Variants in IMPG2 observed in about 807,000 individuals in gnomAD.
IMPG2 encodes the protein IPM 200.
A neutral mutation model predicts 129.2 loss-of-function variants in IMPG2; 91 were observed. The ratio of observed to expected loss-of-function variants is 0.70; its 90% CI spans 0.59 to 0.84. The LOEUF (loss-of-function observed/expected upper bound fraction) is 0.84, where lower values mean the gene tolerates loss of function less well. Ranked by LOEUF, IMPG2 falls within the 40% of genes least tolerant of loss-of-function variation. The pLI, the probability that IMPG2 is intolerant of heterozygous loss-of-function variation, is 0.00. For synonymous variants in IMPG2, 510 were observed against 517.7 expected, an observed-to-expected ratio of 0.99 and a Z score of 0.20; for missense variants, 1,430 against 1,461.7, an observed-to-expected ratio of 0.98 and a Z score of 0.35.
intron 15 of IMPG2, among the ~76,000 whole-genome samples, chr3:101,232,046 C>A (rs1706293137): frequency 1.3e-5 from 2 of 151,830 alleles, no homozygotes; most frequent in Admixed American, 6.6e-5. Context: ...TAAGAGGGGC[C>A]CAAAACCTTT....
At chr3:101,228,925 C>A (rs2107203220) in intron 17 of IMPG2, 49 bp from the exon 18 acceptor site, 1 of 1,353,906 alleles carries the variant, frequency 7.4e-7, no homozygotes, top group Non-Finnish European at 1.1e-6. Flanking sequence ...AGAAAAACCT[C>A]AACAGCCTTT....
In IMPG2 at chr3:101,253,701, T is replaced by C. The variant is rs755284505; in HGVS notation, c.1234A>G (p.Ile412Val). 6.2e-7 allele frequency: 1 copy of C among 1,609,606 alleles called. No individual in the cohort carries two copies. The change falls in exon 11 of 19, where the codon ATT becomes GTT. Residue 412 changes from isoleucine to valine, a missense_variant. Transcript: ENST00000193391. ...CATAAAACATAAAAACATACCAGAA[T>C]AGATGACGGCGTTGCCTGAAGACTT... ...SSSLQATPSSILDNTFQAAWP... is the reference protein window; with the variant it reads ...SSSLQATPSSVLDNTFQAAWP...
intron 4 of IMPG2, among the ~76,000 whole-genome samples, chr3:101,287,766 A>G (rs1249620847): frequency 6.6e-6 from 1 of 152,146 alleles, no homozygotes; most frequent in Non-Finnish European, 1.5e-5. Context: ...ATTTAAATGT[A>G]AGACCTCAAA....
intron 11 of IMPG2, among the ~76,000 whole-genome samples, chr3:101,250,454 A>G (rs748360927): frequency 5.3e-5 from 8 of 152,210 alleles, no homozygotes; most frequent in Non-Finnish European, 1.0e-4. Context: ...AACATAACAA[A>G]ATTATCACAT....
At chr3:101,239,475 C>T (rs1706382687) in intron 14 of IMPG2, among the ~76,000 whole-genome samples, 1 of 152,212 alleles carries the variant, frequency 6.6e-6, no homozygotes, top group African/African-American at 2.4e-5. Flanking sequence ...AACACCTTTA[C>T]ACTGTTGGTG....
chr3:101,289,035 C>T (rs977444835), intron 4 of IMPG2, among the ~76,000 whole-genome samples: 2 of 152,194 alleles, frequency 1.3e-5, no homozygotes, highest in Non-Finnish European at 2.9e-5. Flanking sequence ...TCCTAAAACA[C>T]AGTTCATTTC....
chr3:101,272,240 A>G (rs187301412), intron 7 of IMPG2, among the ~76,000 whole-genome samples: 23 of 152,260 alleles, frequency 1.5e-4, no homozygotes, highest in African/African-American at 4.8e-4. Flanking sequence ...GGAAAAATCC[A>G]TGTGATGGTG....
At chr3:101,305,474 CTATGAACTTCAGT>C (rs1201701717) in intron 2 of IMPG2, among the ~76,000 whole-genome samples, 4 of 152,176 alleles carry the variant, frequency 2.6e-5, no homozygotes, top group African/African-American at 9.6e-5. Context: ...CTAATGTTAA[CTATGAACTTCAGT>C]TAAGAATAAT....
chr3:101,297,865 T>G (rs1707096948), intron 3 of IMPG2, among the ~76,000 whole-genome samples: 1 of 152,248 alleles, frequency 6.6e-6, no homozygotes, highest in African/African-American at 2.4e-5. Flanking sequence ...CTAAGAAGAA[T>G]GTGTATTCTG....
chr3:101,311,117 T>C (rs1348762671), intron 2 of IMPG2, among the ~76,000 whole-genome samples: 1 of 150,810 alleles, frequency 6.6e-6, no homozygotes, highest in African/African-American at 2.4e-5. Flanking sequence ...GCTCTGGAAA[T>C]GGTCCTAGGG....
chr3:101,307,609 G>C (rs1037211985), intron 2 of IMPG2, among the ~76,000 whole-genome samples: 9 of 152,098 alleles, frequency 5.9e-5, no homozygotes, highest in African/African-American at 1.9e-4. Flanking sequence ...AAACAGCATG[G>C]GGGAACAACT....
chr3:101,312,332 G>C (rs1328878870), intron 2 of IMPG2, among the ~76,000 whole-genome samples: 1 of 151,728 alleles, frequency 6.6e-6, no homozygotes, highest in East Asian at 1.9e-4. Context: ...ATAATAAAAA[G>C]ACAAATAACA....
At chr3:101,280,725 C>T (rs917564375) in intron 4 of IMPG2, among the ~76,000 whole-genome samples, 23 of 152,072 alleles carry the variant, frequency 1.5e-4, no homozygotes, top group Admixed American at 2.0e-4. Context: ...GTGGACGGAT[C>T]ACCTGAGGTC....
chr3:101,250,169 G>A (rs538322303), intron 11 of IMPG2, among the ~76,000 whole-genome samples: 1 of 152,294 alleles, frequency 6.6e-6, no homozygotes, highest in East Asian at 1.9e-4. Flanking sequence ...TGTGTGCAGA[G>A]TGCTCCTACA....
intron 11 of IMPG2, among the ~76,000 whole-genome samples, chr3:101,248,324 A>G (rs1001736636): frequency 6.6e-6 from 1 of 152,192 alleles, no homozygotes; most frequent in African/African-American, 2.4e-5. Flanking sequence ...GTCTAACACC[A>G]TGTGACACGT....
At chr3:101,267,199 A>G (rs1475338358) in intron 9 of IMPG2, among the ~76,000 whole-genome samples, 1 of 152,242 alleles carries the variant, frequency 6.6e-6, no homozygotes, top group Non-Finnish European at 1.5e-5. Flanking sequence ...TGTGAAAATT[A>G]TATAAAATTC....
chr3:101,228,254 G>A (rs939456104), intron 18 of IMPG2, among the ~76,000 whole-genome samples: 7 of 152,184 alleles, frequency 4.6e-5, no homozygotes, highest in African/African-American at 1.7e-4. Context: ...AGAGGCAAGA[G>A]ATACAGTTTA....
chr3:101,253,960 C>A (rs1706572119), intron 10 of IMPG2, among the ~76,000 whole-genome samples, 179 bp from the exon 11 acceptor site: 1 of 152,142 alleles, frequency 6.6e-6, no homozygotes, highest in African/African-American at 2.4e-5. Context: ...TATATTAGCA[C>A]AATCTGCCTG....
At position 101,231,122 on chromosome 3, in the gene IMPG2, C is replaced by A; in HGVS notation, c.3257G>T (p.Trp1086Leu). 6.2e-7 allele frequency: 1 copy of A among 1,614,098 alleles called. No homozygotes were observed. Among genetic ancestry groups the A allele is most frequent in the Non-Finnish European group, 8.5e-7 (1 of 1,180,012 alleles). ...ICRCRVGENW[W>L]YRGKHCEEFV... is the part of the protein sequence containing the mutation. ...TTCCTCACAGTGCTTGCCTCGGTAC[C>A]ACCAGTTCTCACCCACCCGGCACCT... Residue 1086 changes from tryptophan (W) to leucine (L), a missense_variant, in exon 16 of 19, where the codon TGG (tryptophan) becomes TTG (leucine). Coordinates refer to ENST00000193391, the MANE Select transcript of IMPG2 (RefSeq NM_016247.4).
Sources: allele counts gnomAD v4.1 joint callset (sites outside exome capture counted in the v4.1 genomes callset), GRCh38; gene constraint gnomAD v4.1.1; transcripts MANE v1.5; gene names NCBI Gene and HGNC (gene_info 2026-07-23, HGNC 2026-07-21).